CCT6B: variants seen among roughly 807,000 people sequenced by gnomAD.
CCT6B encodes the protein probable T-complex protein 1 subunit zeta-2.
In CCT6B, 49 loss-of-function variants were observed where a neutral mutation model predicts 61.5. That is an observed-to-expected ratio of 0.80 (90% CI 0.63 to 1.01). The LOEUF is 1.01. CCT6B is among the 50% of genes least tolerant of loss of function. The probability of loss-of-function intolerance (pLI) is 0.00; values close to 1 mark genes in which losing one functional copy is unlikely to be tolerated. For missense variants in CCT6B, 666 were observed against 634.7 expected (o/e 1.05, Z -0.53); for synonymous variants, 228 against 214.5 (o/e 1.06, Z -0.55).
In CCT6B at chr17:34,928,979, T is replaced by C; in HGVS notation, c.1506A>G (p.Lys502=). The change falls in exon 13 of 14, where the codon AAA becomes AAG. Residue 502 remains lysine (K), a synonymous_variant. Transcript: ENST00000314144. Reference sequence around the variant, plus strand: ...GAACTTACCAAGAGTGAAGAAGTTGTTTTTTTACACAATAATTATCCCAAA... The same window carrying C: ...GAACTTACCAAGAGTGAAGAAGTTGCTTTTTTACACAATAATTATCCCAAA... ...AGVWDNYCVK[K]QLLHSCTVIA... is the part of the protein sequence containing the mutation. The C allele has an allele frequency of 6.2e-7, 1 of 1,600,456 alleles. No homozygotes were observed. Among genetic ancestry groups the C allele is most frequent in the Non-Finnish European group, 8.6e-7 (1 of 1,168,654 alleles).
chr17:34,944,662 C>A (rs2090203471), intron 5 of CCT6B, among the ~76,000 whole-genome samples: 1 of 152,252 alleles, frequency 6.6e-6, no homozygotes, highest in Non-Finnish European at 1.5e-5. Flanking sequence ...CGCGGCGGCT[C>A]ACGCCTGTAA....
chr17:34,930,272 ATAAAT>A (rs1352179375), intron 12 of CCT6B, among the ~76,000 whole-genome samples: 2 of 152,314 alleles, frequency 1.3e-5, no homozygotes, highest in African/African-American at 4.8e-5. Context: ...AGACTGTCTC[ATAAAT>A]TAATTAATTA....
Position 34,957,224 on chromosome 17 carries a change from A to G in CCT6B, c.336+1336T>C, listed in dbSNP as rs546416184. Among the ~76,000 whole-genome samples, 17 of 140,898 alleles carry G rather than the reference A, an allele frequency of 1.2e-4. No homozygotes were observed. In the South Asian group the frequency reaches 3.6e-3, roughly 30 times the overall value. The allele number at this position is 140,898 out of a possible 152,430, so 92.4% of individuals were successfully genotyped here. A position where few individuals can be genotyped will look rare whatever the true frequency, so the allele number is the denominator to read the frequency against. On this transcript the variant is annotated intron_variant, in intron 3 of 13. Transcript: ENST00000314144. The stretch of plus-strand genomic sequence containing the variant: ...TGATGGCACAATCTTGGCTCACTGC[A>G]ATCTCCACCTCCTGGGTTCAAGCAA...
Position 34,961,369 on chromosome 17 carries a change from A to AGTTGACGGCCTTTATCGC in CCT6B, c.7_24dup (p.Ala3_Asn8dup). On this transcript the variant is annotated inframe_insertion, in exon 1 of 14. Coordinates refer to ENST00000314144, the MANE Select transcript of CCT6B (RefSeq NM_006584.4). Reference sequence around the variant, plus strand: ...CGGGCCCGCGCCACCTCAGCCTTGGAGTTGACGGCCTTTATCGCAGCCATA... The same window carrying AGTTGACGGCCTTTATCGC: ...CGGGCCCGCGCCACCTCAGCCTTGGAGTTGACGGCCTTTATCGCGTTGACGGCCTTTATCGCAGCCATA... The AGTTGACGGCCTTTATCGC allele has an allele frequency of 6.2e-7, 1 of 1,610,494 alleles. No homozygotes were observed. Among genetic ancestry groups the AGTTGACGGCCTTTATCGC allele is most frequent in the Non-Finnish European group, 8.5e-7 (1 of 1,179,484 alleles).
chr17:34,957,609 T>C (rs2090363424), intron 3 of CCT6B, among the ~76,000 whole-genome samples: 1 of 152,224 alleles, frequency 6.6e-6, no homozygotes, highest in Admixed American at 6.5e-5. Context: ...ATTTCCTTAT[T>C]GTTCAAGTGA....
At chr17:34,944,103 CAG>C (rs1490722977) in intron 5 of CCT6B, 1 of 152,146 alleles carries the variant, frequency 6.6e-6, no homozygotes, top group African/African-American at 2.4e-5. Context: ...CACCTCTTAA[CAG>C]AATGTAAACA....
At chr17:34,939,396 C>T in intron 9 of CCT6B, 66 bp from the exon 10 acceptor site, 3 of 1,313,854 alleles carry the variant, frequency 2.3e-6, no homozygotes, top group Non-Finnish European at 3.2e-6. Context: ...ACAATTTATA[C>T]TAGAATACAA....
intron 5 of CCT6B, among the ~76,000 whole-genome samples, chr17:34,946,893 G>A (rs1478859552): frequency 6.6e-6 from 1 of 152,196 alleles, no homozygotes; most frequent in East Asian, 1.9e-4. Context: ...AAATATGGCT[G>A]AAAGGAAGCA....
chr17:34,939,175 G>A lies in CCT6B; in HGVS notation c.1213+8C>T. On this transcript the variant is annotated splice_region_variant and intron_variant, in intron 10 of 13. Coordinates refer to ENST00000314144, the MANE Select transcript of CCT6B (RefSeq NM_006584.4). Reference sequence around the variant, plus strand: ...TGAGGTTCATATCAATCACAAGAAAGAGCTTACCATCTTCAATGGCATTTT... The same window carrying A: ...TGAGGTTCATATCAATCACAAGAAAAAGCTTACCATCTTCAATGGCATTTT... 6.2e-7 allele frequency: 1 copy of A among 1,612,310 alleles called. No individual in the cohort carries two copies. The highest frequency in any genetic ancestry group is 8.5e-7 in the Non-Finnish European group (1 of 1,178,718).
intron 3 of CCT6B, among the ~76,000 whole-genome samples, chr17:34,957,196 G>A (rs955113745): frequency 1.4e-5 from 2 of 140,098 alleles, no homozygotes; most frequent in Non-Finnish European, 3.0e-5. Flanking sequence ...CCAGGCTAGA[G>A]TATGATGGCA....
chr17:34,941,672 T>A (rs2090165360), intron 7 of CCT6B, among the ~76,000 whole-genome samples: 1 of 152,190 alleles, frequency 6.6e-6, no homozygotes, highest in East Asian at 1.9e-4. Context: ...CAGGTAAAAG[T>A]GGCATTCCAT....
chr17:34,928,998 T>A lies in CCT6B; in HGVS notation c.1487A>T (p.Asp496Val), dbSNP rs1236993726. ...AAGTTGTTTTTTTACACAATAATTA[T>A]CCCAAACTCCTGCATCTGCTGCTAC... The part of the protein sequence containing the change: ...PMVAADAGVW[D>V]NYCVKKQLLH... The change falls in exon 13 of 14, where the codon GAT becomes GTT. Residue 496 changes from aspartate (D) to valine (V), a missense_variant. Coordinates refer to ENST00000314144, the MANE Select transcript of CCT6B (RefSeq NM_006584.4). The A allele has an allele frequency of 4.3e-6, 7 of 1,609,666 alleles. No homozygotes were observed. Among genetic ancestry groups the A allele is most frequent in the Non-Finnish European group, 5.9e-6 (7 of 1,176,858 alleles).
At position 34,932,500 on chromosome 17, in the gene CCT6B, C is replaced by A; in HGVS notation, c.1214G>T (p.Gly405Val). The A allele has an allele frequency of 6.3e-7, 1 of 1,588,692 alleles. No individual in the cohort carries two copies. The highest frequency in any genetic ancestry group is 1.2e-5 in the South Asian group (1 of 85,290). The change falls in exon 11 of 14, where the codon GGT becomes GTT. Residue 405 changes from glycine (G) to valine (V), a missense_variant and splice_region_variant. Physicochemically the swap from Gly to Val is moderately radical, Grantham distance 109. Transcript: ENST00000314144. Reference sequence around the variant, plus strand: ...TGCACCAGCTCCAGGAACCATACAACCTATTGGAGAGAAAAAATATGATTG... The same window carrying A: ...TGCACCAGCTCCAGGAACCATACAAACTATTGGAGAGAAAAAATATGATTG... ...LRAIKNAIED[G>V]CMVPGAGAIE...
intron 10 of CCT6B, among the ~76,000 whole-genome samples, chr17:34,937,520 T>A (rs1367734086): frequency 5.9e-5 from 9 of 152,080 alleles, no homozygotes; most frequent in Non-Finnish European, 1.2e-4. Flanking sequence ...TACCTTTATA[T>A]GAAAAAAATG....
intron 5 of CCT6B, among the ~76,000 whole-genome samples, chr17:34,947,291 G>A (rs1430262881): frequency 6.6e-6 from 1 of 152,088 alleles, no homozygotes; most frequent in Non-Finnish European, 1.5e-5. Flanking sequence ...ATAAACGATA[G>A]CACTCAAAAA....
chr17:34,947,926 G>A (rs1165202111), intron 5 of CCT6B, among the ~76,000 whole-genome samples: 5 of 148,646 alleles, frequency 3.4e-5, no homozygotes, highest in Non-Finnish European at 5.9e-5. Flanking sequence ...GCAGTGAGCC[G>A]AGATCAAGCC....
chr17:34,929,512 G>T (rs1328374060), intron 12 of CCT6B, among the ~76,000 whole-genome samples: 58 of 131,988 alleles, frequency 4.4e-4, no homozygotes, highest in Non-Finnish European at 4.8e-4. Context: ...TTTTTTTGGT[G>T]TTTTTTGTTT....
At chr17:34,931,584 A>G (rs552401899) in intron 11 of CCT6B, among the ~76,000 whole-genome samples, 1 of 152,344 alleles carries the variant, frequency 6.6e-6, no homozygotes, top group South Asian at 2.1e-4. Context: ...GCTGATGAGG[A>G]AAAAGGTACC....
intron 5 of CCT6B, among the ~76,000 whole-genome samples, chr17:34,947,582 A>G (rs866438173): frequency 1.3e-5 from 2 of 152,254 alleles, no homozygotes; most frequent in Non-Finnish European, 2.9e-5. Context: ...TTTCAGGCAA[A>G]GAAAAACTGA....
Sources: gnomAD v4.1 joint callset for allele counts (sites outside exome capture counted in the v4.1 genomes callset) on GRCh38, gnomAD v4.1.1 for gene constraint, MANE v1.5 for transcripts, NCBI Gene and HGNC (gene_info 2026-07-23, HGNC 2026-07-21) for gene names.